Variants in CNTNAP2 observed in about 807,000 individuals in gnomAD.
CNTNAP2 encodes contactin-associated protein-like 2.
In CNTNAP2, 98 loss-of-function variants were observed where a neutral mutation model predicts 155.2. The ratio of observed to expected loss-of-function variants is 0.63; its 90% CI spans 0.54 to 0.75. The LOEUF (loss-of-function observed/expected upper bound fraction) is 0.75. CNTNAP2 is among the 30% of genes least tolerant of loss of function. The pLI is 0.00. For synonymous variants in CNTNAP2, 651 were observed against 631.2 expected, an observed-to-expected ratio of 1.03 and a Z score of -0.47; for missense variants, 1,727 against 1,688.1, an observed-to-expected ratio of 1.02 and a Z score of -0.40.
intron 19 of CNTNAP2, among the ~76,000 whole-genome samples, chr7:148,221,111 ACCTGCCACTGCTGTGC>A (rs1283035854): frequency 6.6e-6 from 1 of 151,712 alleles, no homozygotes; most frequent in Non-Finnish European, 1.5e-5. Context: ...TGCCTTCATC[ACCTGCCACTGCTGTGC>A]CCTCATGCCT....
chr7:147,829,452 G>A (rs1324541187), intron 13 of CNTNAP2, among the ~76,000 whole-genome samples: 2 of 152,180 alleles, frequency 1.3e-5, no homozygotes, highest in African/African-American at 4.8e-5. Context: ...TGTCACGTTT[G>A]TCAGTGATCA....
At chr7:146,379,117 T>C (rs959221853) in intron 1 of CNTNAP2, among the ~76,000 whole-genome samples, 1 of 152,232 alleles carries the variant, frequency 6.6e-6, no homozygotes, top group African/African-American at 2.4e-5. Context: ...CCTGTGCCTC[T>C]ACACACCTCT....
intron 11 of CNTNAP2, among the ~76,000 whole-genome samples, chr7:147,535,961 T>C (rs898132174): frequency 5.3e-5 from 8 of 152,242 alleles, no homozygotes; most frequent in Non-Finnish European, 1.2e-4. Context: ...CTTGATCATA[T>C]AGCATTTCCC....
intron 1 of CNTNAP2, among the ~76,000 whole-genome samples, chr7:146,692,883 A>T (rs1428519802): frequency 1.3e-5 from 2 of 152,116 alleles, no homozygotes; most frequent in East Asian, 1.9e-4. Flanking sequence ...CCAAAATGTC[A>T]TCCATTTTTT....
intron 8 of CNTNAP2, among the ~76,000 whole-genome samples, chr7:147,254,748 G>A (rs908488916): frequency 6.6e-6 from 1 of 152,066 alleles, no homozygotes; most frequent in Non-Finnish European, 1.5e-5. Flanking sequence ...TAGAATCTGA[G>A]GAATGACTTT....
At chr7:146,359,741 A>G (rs1039323249) in intron 1 of CNTNAP2, among the ~76,000 whole-genome samples, 3 of 152,128 alleles carry the variant, frequency 2.0e-5, no homozygotes, top group African/African-American at 7.2e-5. Flanking sequence ...ATTCAAAAGT[A>G]TCCCAAGTGA....
chr7:148,233,357 A>G (rs1433973911), intron 20 of CNTNAP2, among the ~76,000 whole-genome samples: 4 of 150,304 alleles, frequency 2.7e-5, no homozygotes, highest in African/African-American at 9.8e-5. Context: ...ATTAAATGAA[A>G]TAGAGAGTTA....
intron 13 of CNTNAP2, among the ~76,000 whole-genome samples, chr7:147,796,646 T>C (rs1011771626): frequency 6.6e-6 from 1 of 151,034 alleles, no homozygotes; most frequent in African/African-American, 2.4e-5. Flanking sequence ...CTCATGCAGA[T>C]AATCAACAAT....
intron 21 of CNTNAP2, among the ~76,000 whole-genome samples, chr7:148,338,029 A>G (rs2373350): frequency 0.68 from 103,265 of 152,014 alleles, 35,237 homozygotes; most frequent in East Asian, 0.76. Context: ...AGCCACCACC[A>G]TAATCAACAC....
intron 13 of CNTNAP2, among the ~76,000 whole-genome samples, chr7:147,723,505 A>G (rs1796596451): frequency 6.6e-6 from 1 of 152,008 alleles, no homozygotes; most frequent in South Asian, 2.1e-4. Flanking sequence ...GGACATTGGT[A>G]AGGAAAGGCG....
chr7:146,983,716 C>G (rs1798063266), intron 3 of CNTNAP2, among the ~76,000 whole-genome samples: 1 of 152,114 alleles, frequency 6.6e-6, no homozygotes, highest in Non-Finnish European at 1.5e-5. Flanking sequence ...TGTTACGGTA[C>G]AGATATCTTC....
chr7:148,383,920 T>C (rs1799131822), intron 22 of CNTNAP2, 32 bp downstream of exon 22: 1 of 1,600,322 alleles, frequency 6.2e-7, no homozygotes, highest in Middle Eastern at 1.7e-4. Flanking sequence ...GGCAGGTTGC[T>C]TCATTTCTTT....
At position 147,474,003 on chromosome 7, in the gene CNTNAP2, T is replaced by C. The variant is rs958565227; in HGVS notation, c.1671-11932T>C. On this transcript the variant is annotated intron_variant, in intron 10 of 23. Transcript: ENST00000361727. ...CTGAGGCAGGAGAATTACTTGAACC[T>C]TGGAGGCGGAGGTTGTGGTGAGCCG... Among the ~76,000 whole-genome samples the C allele has an allele frequency of 2.8e-4, 43 of 151,670 alleles. 1 individual carries two copies. Among genetic ancestry groups the C allele is most frequent in the Non-Finnish European group, 7.4e-5 (5 of 67,942 alleles).
At chr7:147,869,937 G>C (rs961172469) in intron 13 of CNTNAP2, among the ~76,000 whole-genome samples, 1 of 151,998 alleles carries the variant, frequency 6.6e-6, no homozygotes, top group Non-Finnish European at 1.5e-5. Context: ...TATGTATTCA[G>C]CATCTAACCT....
chr7:146,411,846 A>ATTTAT (rs1554429873), intron 1 of CNTNAP2, among the ~76,000 whole-genome samples: 3 of 85,112 alleles, frequency 3.5e-5, no homozygotes, highest in African/African-American at 9.8e-5. Context: ...TTATTTATTT[A>ATTTAT]TTTTATTTGA....
intron 3 of CNTNAP2, among the ~76,000 whole-genome samples, chr7:146,921,668 G>A (rs934270144): frequency 3.9e-5 from 6 of 151,996 alleles, no homozygotes; most frequent in Non-Finnish European, 7.4e-5. Flanking sequence ...ATCACCTCAC[G>A]ATTCAATTAT....
At chr7:146,421,608 A>C (rs1221292537) in intron 1 of CNTNAP2, among the ~76,000 whole-genome samples, 1 of 151,978 alleles carries the variant, frequency 6.6e-6, no homozygotes, top group Non-Finnish European at 1.5e-5. Flanking sequence ...TTAATGATCT[A>C]AATATTTATA....
At chr7:147,878,356 A>G (rs928107877) in intron 13 of CNTNAP2, among the ~76,000 whole-genome samples, 1 of 152,076 alleles carries the variant, frequency 6.6e-6, no homozygotes, top group African/African-American at 2.4e-5. Flanking sequence ...CTAGCTTCTA[A>G]TACAGTATTT....
chr7:146,343,955 A>G (rs1391678337), intron 1 of CNTNAP2, among the ~76,000 whole-genome samples: 1 of 152,106 alleles, frequency 6.6e-6, no homozygotes, highest in Non-Finnish European at 1.5e-5. Flanking sequence ...TAAATATTTT[A>G]TCATAGTTTT....
Sources: gnomAD v4.1 joint callset for allele counts (sites outside exome capture counted in the v4.1 genomes callset) on GRCh38, gnomAD v4.1.1 for gene constraint, MANE v1.5 for transcripts, NCBI Gene and HGNC (gene_info 2026-07-23, HGNC 2026-07-21) for gene names.